RALY: variants seen among roughly 807,000 people sequenced by gnomAD.
The protein encoded by RALY is RNA-binding protein Raly.
A neutral mutation model predicts 30.7 loss-of-function variants in RALY; 15 were observed. The ratio of observed to expected loss-of-function variants is 0.49; its 90% CI spans 0.33 to 0.75. The LOEUF is 0.75. Among genes scored for constraint, RALY ranks in the 30% least tolerant of loss-of-function variants. The pLI is 0.02. For missense variants in RALY, 339 were observed against 414.3 expected (o/e 0.82, Z 1.58); for synonymous variants, 177 against 170.8 (o/e 1.04, Z -0.28).
Position 34,083,707 on chromosome 20 carries a change from G to A in RALY, c.*3802G>A, listed in dbSNP as rs548156383. The A allele has an allele frequency of 2.0e-5, 3 of 152,356 alleles. No individual in the cohort carries two copies. The highest frequency in any genetic ancestry group is 1.9e-4 in the East Asian group (1 of 5,184). 9.4% of individuals were successfully genotyped at this position (152,356 alleles called of 1,614,324 possible). On this transcript the variant is annotated 3_prime_UTR_variant, in exon 10 of 10. Transcript: ENST00000246194. ...GGAATTCAAGTGTGGGCACGTGAGC[G>A]TCAGGTATTTGCCATCCCTGGCCAG... is the stretch of plus-strand genomic sequence containing the variant.
rs770812816 is a variant in RALY at position 34,078,499 on chromosome 20, T to C, written c.877-6T>C. Reference sequence around the variant, plus strand: ...TGTGTGGTCTCTCTTACCTCCTCCCTATCAGGAACACAGCCAGGACACAGA... The same window carrying C: ...TGTGTGGTCTCTCTTACCTCCTCCCCATCAGGAACACAGCCAGGACACAGA... On this transcript the variant is annotated splice_polypyrimidine_tract_variant and splice_region_variant and intron_variant, in intron 8 of 9. Transcript: ENST00000246194. 41 of 1,581,146 alleles carry C rather than the reference T, an allele frequency of 2.6e-5. No individual in the cohort carries two copies. Among genetic ancestry groups the C allele is most frequent in the Non-Finnish European group, 3.5e-5 (41 of 1,163,644 alleles).
intron 1 of RALY, among the ~76,000 whole-genome samples, chr20:34,027,694 C>G (rs564259980): frequency 4.5e-4 from 69 of 152,310 alleles, no homozygotes; most frequent in African/African-American, 1.6e-3. Context: ...GTTTACACAG[C>G]AAAGCCAACC....
At chr20:34,065,850 A>C (rs1323791022) in intron 2 of RALY, among the ~76,000 whole-genome samples, 1 of 152,200 alleles carries the variant, frequency 6.6e-6, no homozygotes, top group Non-Finnish European at 1.5e-5. Flanking sequence ...GCAGGACTGA[A>C]CCAAGACAGA....
rs987642161 is a variant in RALY at position 34,083,978 on chromosome 20, T to C, written c.*4073T>C. The C allele has an allele frequency of 6.6e-6, 1 of 152,234 alleles. No homozygotes were observed. The highest frequency in any genetic ancestry group is 1.5e-5 in the Non-Finnish European group (1 of 68,044). The allele number at this position is 152,234 out of a possible 1,614,324, so 9.4% of individuals were successfully genotyped here. A position where few individuals can be genotyped will look rare whatever the true frequency, so the allele number is the denominator to read the frequency against. ...TAAACCATTTCCTGAACACCTGCTG[T>C]TAAAAAGCACATTTTACATTTACTT... On this transcript the variant is annotated 3_prime_UTR_variant, in exon 10 of 10. Transcript: ENST00000246194.
In RALY at chr20:34,082,596, T is replaced by C. The variant is rs534964705; in HGVS notation, c.*2691T>C. The C allele has an allele frequency of 6.6e-6, 1 of 152,202 alleles. No homozygotes were observed. The highest frequency in any genetic ancestry group is 1.5e-5 in the Non-Finnish European group (1 of 68,044). The allele number at this position is 152,202 out of a possible 1,614,324, so 9.4% of individuals were successfully genotyped here. On this transcript the variant is annotated 3_prime_UTR_variant, in exon 10 of 10. Transcript: ENST00000246194. The stretch of plus-strand genomic sequence containing the variant: ...CTCTACTCACCTTGGCCCATAAGGC[T>C]TTGCCTGGTCATGCTGGCACCGGGT...
intron 1 of RALY, among the ~76,000 whole-genome samples, chr20:34,003,678 C>T (rs1320710923): frequency 2.4e-5 from 3 of 125,848 alleles, no homozygotes; most frequent in African/African-American, 6.6e-5. Context: ...CTCGCTCTGT[C>T]GCCCAGGCTG....
chr20:34,032,182 C>T (rs1476136609), intron 2 of RALY, among the ~76,000 whole-genome samples: 2 of 152,184 alleles, frequency 1.3e-5, no homozygotes, highest in African/African-American at 2.4e-5. Flanking sequence ...AGACTGGTCT[C>T]GAACTCCCGA....
intron 2 of RALY, among the ~76,000 whole-genome samples, chr20:34,054,892 T>G (rs1447888965): frequency 2.6e-5 from 4 of 152,162 alleles, no homozygotes; most frequent in Non-Finnish European, 4.4e-5. Flanking sequence ...CCTCTTAACC[T>G]TACTCAATGT....
intron 2 of RALY, among the ~76,000 whole-genome samples, chr20:34,043,650 GT>G (rs2032777907): frequency 6.6e-6 from 1 of 152,106 alleles, no homozygotes; most frequent in Non-Finnish European, 1.5e-5. Flanking sequence ...CTCATACCCT[GT>G]TCCATGGGGG....
chr20:34,016,140 A>C (rs1467815910), intron 1 of RALY, among the ~76,000 whole-genome samples: 1 of 152,168 alleles, frequency 6.6e-6, no homozygotes, highest in African/African-American at 2.4e-5. Flanking sequence ...CCACACACCG[A>C]GTACCACAGC....
chr20:34,076,002 G>T lies in RALY; in HGVS notation c.506G>T (p.Arg169Leu). The T allele has an allele frequency of 6.2e-7, 1 of 1,614,186 alleles. No homozygotes were observed. The highest frequency in any genetic ancestry group is 1.1e-5 in the South Asian group (1 of 91,086). Residue 169 changes from arginine to leucine, a missense_variant, in exon 6 of 10, where the codon CGC becomes CTC. Coordinates refer to ENST00000246194, the MANE Select transcript of RALY (RefSeq NM_016732.3). ...AACGTACCTGTCAAGCTCTTTGCCC[G>T]CTCCACAGCTGTCACCACCAGCTCA... ...KTNVPVKLFA[R>L]STAVTTSSAK...
intron 2 of RALY, among the ~76,000 whole-genome samples, chr20:34,064,259 G>A (rs953077529): frequency 6.6e-6 from 1 of 152,128 alleles, no homozygotes. Context: ...GTCGCAGATG[G>A]TAAGCCTCAG....
intron 1 of RALY, among the ~76,000 whole-genome samples, chr20:34,022,994 G>A (rs1477734011): frequency 1.3e-5 from 2 of 151,952 alleles, no homozygotes; most frequent in Admixed American, 1.3e-4. Flanking sequence ...GTTTTTATTG[G>A]TAGAGTTCCA....
At chr20:34,024,666 A>T (rs924351849) in intron 1 of RALY, among the ~76,000 whole-genome samples, 4 of 152,188 alleles carry the variant, frequency 2.6e-5, no homozygotes, top group African/African-American at 9.6e-5. Context: ...CTACTTTTTG[A>T]TACACTGGGC....
At chr20:34,009,768 G>A (rs1232629006) in intron 1 of RALY, among the ~76,000 whole-genome samples, 2 of 152,148 alleles carry the variant, frequency 1.3e-5, no homozygotes, top group Non-Finnish European at 1.5e-5. Context: ...TTGTTCTCAA[G>A]TTTGTCAAAG....
chr20:34,001,038 T>A (rs2030890796), intron 1 of RALY, among the ~76,000 whole-genome samples: 2 of 152,228 alleles, frequency 1.3e-5, no homozygotes, highest in Non-Finnish European at 2.9e-5. Context: ...AGGGTTAAAT[T>A]CTGGGTTCAC....
At position 33,993,998 on chromosome 20, in the gene RALY, C is replaced by G. The variant is rs1310451418; in HGVS notation, c.-226C>G. ...GGGGCGGTAGCGGCGGCGACGGCGACGACGACGACTCCCGCGCGTGTGCCC... is the reference window on the plus strand; with the variant it reads ...GGGGCGGTAGCGGCGGCGACGGCGAGGACGACGACTCCCGCGCGTGTGCCC... On this transcript the variant is annotated 5_prime_UTR_variant, in exon 1 of 10. Coordinates refer to ENST00000246194, the MANE Select transcript of RALY (RefSeq NM_016732.3). 6.6e-6 allele frequency: 1 copy of G among 151,920 alleles called. No individual in the cohort carries two copies. Among genetic ancestry groups the G allele is most frequent in the Non-Finnish European group, 1.5e-5 (1 of 67,888 alleles). 9.4% of individuals were successfully genotyped at this position (151,920 alleles called of 1,614,324 possible). A position where few individuals can be genotyped will look rare whatever the true frequency, so the allele number is the denominator to read the frequency against.
intron 2 of RALY, among the ~76,000 whole-genome samples, chr20:34,044,489 T>A (rs1003268814): frequency 2.0e-5 from 3 of 151,894 alleles, no homozygotes; most frequent in African/African-American, 7.3e-5. Context: ...CCCGGCTAAT[T>A]TCGTATTTTT....
chr20:34,082,307 A>G lies in RALY; in HGVS notation c.*2402A>G, dbSNP rs2034042428. On this transcript the variant is annotated 3_prime_UTR_variant, in exon 10 of 10. Transcript: ENST00000246194. ...GGGACAGCTGCTAGCCTGGATTGGA[A>G]CTTGGGCAAAGTCCAAAGAATGGGA... 1 of 152,138 alleles carries G rather than the reference A, an allele frequency of 6.6e-6. No individual in the cohort carries two copies. The highest frequency in any genetic ancestry group is 2.4e-5 in the African/African-American group (1 of 41,416). 9.4% of individuals were successfully genotyped at this position (152,138 alleles called of 1,614,324 possible). A position where few individuals can be genotyped will look rare whatever the true frequency, so the allele number is the denominator to read the frequency against.
Sources: gnomAD v4.1 joint callset for allele counts (sites outside exome capture counted in the v4.1 genomes callset) on GRCh38, gnomAD v4.1.1 for gene constraint, MANE v1.5 for transcripts, NCBI Gene and HGNC (gene_info 2026-07-23, HGNC 2026-07-21) for gene names.